SLC12A4: variants seen among roughly 807,000 people sequenced by gnomAD.
SLC12A4 encodes the protein electroneutral potassium-chloride cotransporter 1.
A neutral mutation model predicts 119.2 loss-of-function variants in SLC12A4; 84 were observed. That is an observed-to-expected ratio of 0.70 (90% CI 0.59 to 0.85). SLC12A4 has a LOEUF of 0.85. SLC12A4 is among the 40% of genes least tolerant of loss of function. The probability of loss-of-function intolerance (pLI) is 0.00; values close to 1 mark genes in which losing one functional copy is unlikely to be tolerated. For missense variants in SLC12A4, 1,298 were observed against 1,476.3 expected (o/e 0.88, Z 1.98); for synonymous variants, 599 against 604.6 (o/e 0.99, Z 0.14).
chr16:67,944,202 C>A lies in SLC12A4; in HGVS notation c.*638G>T. ...AGGGCCAGTGGGAGGGACGGCCTGG[C>A]CAGTGGGGGTTGTGGCCAGAGATTG... On this transcript the variant is annotated 3_prime_UTR_variant, in exon 24 of 24. Coordinates refer to ENST00000316341, the MANE Select transcript of SLC12A4 (RefSeq NM_005072.5). The surrounding 1 kb of genome is among the most constrained non-coding windows in gnomAD (Gnocchi z 6.6). The A allele has an allele frequency of 1.4e-6, 2 of 1,477,060 alleles. No homozygotes were observed. 91.5% of individuals were successfully genotyped at this position (1,477,060 alleles called of 1,614,324 possible).
At chr16:67,946,697 A>C in intron 17 of SLC12A4, 64 bp from the exon 18 acceptor site, 1 of 1,540,640 alleles carries the variant, frequency 6.5e-7, no homozygotes, top group East Asian at 2.3e-5. Context: ...GCTCCCTCCC[A>C]AGGCCCCTCG....
At position 67,963,526 on chromosome 16, in the gene SLC12A4, A is replaced by G. The variant is rs1309241039; in HGVS notation, c.149T>C (p.Leu50Pro). Residue 50 changes from leucine (L) to proline (P), a missense_variant, in exon 2 of 24, where the codon CTT becomes CCT. Coordinates refer to ENST00000316341, the MANE Select transcript of SLC12A4 (RefSeq NM_005072.5). ...TCCTCTGGAAGCCTCCAAGGGGGAA[A>G]GAAAAGGGCTGCTCTCTCTGTGGTT... Reference protein sequence around the residue: ...HGNHRESSPFLSPLEASRGID... With the variant: ...HGNHRESSPFPSPLEASRGID... The G allele has an allele frequency of 1.3e-6, 2 of 1,586,288 alleles. No individual in the cohort carries two copies. The highest frequency in any genetic ancestry group is 1.7e-6 in the Non-Finnish European group (2 of 1,171,686).
chr16:67,947,838 GCCA>G, intron 14 of SLC12A4, 50 bp from the exon 15 acceptor site: 2 of 1,545,702 alleles, frequency 1.3e-6, no homozygotes, highest in Non-Finnish European at 1.7e-6. Flanking sequence ...AGGACCCCTG[GCCA>G]CAGCCTGGCC....
In SLC12A4 at chr16:67,944,875, C is replaced by A; in HGVS notation, c.3223G>T (p.Gly1075Cys). 1 of 1,613,412 alleles carries A rather than the reference C, an allele frequency of 6.2e-7. No individual in the cohort carries two copies. The highest frequency in any genetic ancestry group is 8.5e-7 in the Non-Finnish European group (1 of 1,180,020). The change falls in exon 24 of 24, where the codon GGT becomes TGT. Residue 1075 changes from glycine to cysteine, a missense_variant. Coordinates refer to ENST00000316341, the MANE Select transcript of SLC12A4 (RefSeq NM_005072.5). The surrounding 1 kb of genome is among the most constrained non-coding windows in gnomAD (Gnocchi z 6.6). The part of the protein sequence containing the change: ...EGLERVLLVR[G>C]GGREVITIYS ...ATGGTGATGACTTCACGGCCACCACCGCGCACCAACAGCACCCGCTCAAGG... is the reference window on the plus strand; with the variant it reads ...ATGGTGATGACTTCACGGCCACCACAGCGCACCAACAGCACCCGCTCAAGG...
rs759928513 is a variant in SLC12A4, at chr16:67,952,279, G to T, written c.822C>A (p.Asn274Lys). 2 of 1,614,172 alleles carry T rather than the reference G, an allele frequency of 1.2e-6. No homozygotes were observed. Among genetic ancestry groups the T allele is most frequent in the Non-Finnish European group, 8.5e-7 (1 of 1,180,042 alleles). Residue 274 changes from asparagine (N) to lysine (K), a missense_variant, in exon 7 of 24, where the codon AAC becomes AAA. Asn to Lys is a moderately conservative substitution (Grantham distance 94). Coordinates refer to ENST00000316341, the MANE Select transcript of SLC12A4 (RefSeq NM_005072.5). Reference protein sequence around the residue: ...LVVFVGVKYVNKFASLFLACV... With the variant: ...LVVFVGVKYVKKFASLFLACV... ...AGGCCAGGAAGAGCGAGGCAAATTT[G>T]TTCACATACTTGACCCCCACAAACA...
chr16:67,966,032 C>T (rs1037788040), intron 1 of SLC12A4, among the ~76,000 whole-genome samples: 5 of 152,182 alleles, frequency 3.3e-5, no homozygotes, highest in South Asian at 2.1e-4. Context: ...GGCCAGGGTA[C>T]GCATACCTAG....
At chr16:67,961,545 G>A (rs2030568291) in intron 3 of SLC12A4, 30 bp downstream of exon 3, 1 of 1,607,882 alleles carries the variant, frequency 6.2e-7, no homozygotes, top group South Asian at 1.1e-5. Context: ...CTTCCCAGGT[G>A]TGGCCCCTCT....
chr16:67,967,930 C>T (rs942045394), intron 1 of SLC12A4, among the ~76,000 whole-genome samples: 6 of 152,162 alleles, frequency 3.9e-5, no homozygotes, highest in Non-Finnish European at 8.8e-5. Flanking sequence ...GGGCAGTTAC[C>T]CATAGACCCC....
In SLC12A4 at chr16:67,943,841, G is replaced by A. The variant is rs1252965381; in HGVS notation, c.*999C>T. 21 of 1,094,644 alleles carry A rather than the reference G, an allele frequency of 1.9e-5. No homozygotes were observed. The highest frequency in any genetic ancestry group is 5.6e-5 in the Admixed American group (2 of 35,436). The allele number at this position is 1,094,644 out of a possible 1,614,324, so 67.8% of individuals were successfully genotyped here. On this transcript the variant is annotated 3_prime_UTR_variant, in exon 24 of 24. Coordinates refer to ENST00000316341, the MANE Select transcript of SLC12A4 (RefSeq NM_005072.5). This position sits in a 1 kb window ranked among gnomAD's most constrained non-coding sequence, Gnocchi z 4.6. The stretch of plus-strand genomic sequence containing the variant: ...CCACACCAGGGCAGGTACTTATGTC[G>A]GGGCTTATGCAGGGCAGAAGGGCTT...
Position 67,949,450 on chromosome 16 carries a change from C to CAAAA in SLC12A4, c.1748+346_1748+349dup. 1.4e-5 allele frequency: 2 copies of CAAAA among 146,762 alleles called. No individual in the cohort carries two copies. Among genetic ancestry groups the CAAAA allele is most frequent in the Non-Finnish European group, 1.4e-5 (1 of 71,792 alleles). The allele number at this position is 146,762 out of a possible 1,614,324, so 9.1% of individuals were successfully genotyped here. On this transcript the variant is annotated intron_variant, in intron 13 of 23. Coordinates refer to ENST00000316341, the MANE Select transcript of SLC12A4 (RefSeq NM_005072.5). The surrounding 1 kb of genome is among the most constrained non-coding windows in gnomAD (Gnocchi z 4.6). Reference sequence around the variant, plus strand: ...TGGGTGAGAGAGTGAGACTCTGTCTCAAAAAAAAAAAACAAAAACCAAAAA... The same window carrying CAAAA: ...TGGGTGAGAGAGTGAGACTCTGTCTCAAAAAAAAAAAAAAAACAAAAACCAAAAA...
Position 67,950,835 on chromosome 16 carries a change from C to A in SLC12A4, c.1397-124G>T, listed in dbSNP as rs1048040933. The A allele has an allele frequency of 7.0e-6, 10 of 1,425,596 alleles. No individual in the cohort carries two copies. In the African/African-American group the frequency reaches 1.3e-4, roughly 18 times the overall value. The allele number at this position is 1,425,596 out of a possible 1,614,324, so 88.3% of individuals were successfully genotyped here. A position where few individuals can be genotyped will look rare whatever the true frequency, so the allele number is the denominator to read the frequency against. ...CTGGGAGTCTCGTGGTGTGTATGTGCATGTGTGCATGAGAAGGGGAGCTAT... is the reference window on the plus strand; with the variant it reads ...CTGGGAGTCTCGTGGTGTGTATGTGAATGTGTGCATGAGAAGGGGAGCTAT... On this transcript the variant is annotated intron_variant, in intron 10 of 23. Coordinates refer to ENST00000316341, the MANE Select transcript of SLC12A4 (RefSeq NM_005072.5). This position sits in a 1 kb window ranked among gnomAD's most constrained non-coding sequence, Gnocchi z 4.3.
At position 67,950,491 on chromosome 16, in the gene SLC12A4, T is replaced by C; in HGVS notation, c.1457A>G (p.Tyr486Cys). The change falls in exon 12 of 24, where the codon TAT becomes TGT. Residue 486 changes from tyrosine (Y) to cysteine (C), a missense_variant and splice_region_variant. Coordinates refer to ENST00000316341, the MANE Select transcript of SLC12A4 (RefSeq NM_005072.5). This position sits in a 1 kb window ranked among gnomAD's most constrained non-coding sequence, Gnocchi z 4.3. ...CAAGTTCCTGCTGACACCATCGCCATACCTGCAGGGGCCACCAGAGTGAGG... is the reference window on the plus strand; with the variant it reads ...CAAGTTCCTGCTGACACCATCGCCACACCTGCAGGGGCCACCAGAGTGAGG... ...CIEGVVLRDK[Y>C]GDGVSRNLVV... The C allele has an allele frequency of 6.2e-7, 1 of 1,613,880 alleles. No homozygotes were observed. The highest frequency in any genetic ancestry group is 8.5e-7 in the Non-Finnish European group (1 of 1,179,980).
At chr16:67,953,105 T>A (rs1358231790) in intron 6 of SLC12A4, among the ~76,000 whole-genome samples, 5 of 144,026 alleles carry the variant, frequency 3.5e-5, no homozygotes. Context: ...CTCAAAAAAA[T>A]AAATGAATAG....
At chr16:67,964,229 GC>G (rs1294570242) in intron 1 of SLC12A4, among the ~76,000 whole-genome samples, 12 of 152,218 alleles carry the variant, frequency 7.9e-5, no homozygotes, top group African/African-American at 2.7e-4. Context: ...AGCTGGGACT[GC>G]TGGCAGGAGC....
intron 5 of SLC12A4, among the ~76,000 whole-genome samples, chr16:67,955,137 G>A (rs1163048626): frequency 2.6e-5 from 4 of 152,338 alleles, no homozygotes; most frequent in Middle Eastern, 3.4e-3. Context: ...CCTGAGGCCT[G>A]TGCCTTTGTT....
chr16:67,968,337 T>C, intron 1 of SLC12A4, 102 bp downstream of exon 1: 1 of 1,053,802 alleles, frequency 9.5e-7, no homozygotes, highest in South Asian at 1.8e-5. Context: ...CACCGACGTG[T>C]GCGCGCAAGG....
chr16:67,967,599 G>C (rs1339312233), intron 1 of SLC12A4, among the ~76,000 whole-genome samples: 1 of 152,174 alleles, frequency 6.6e-6, no homozygotes, highest in Non-Finnish European at 1.5e-5. Flanking sequence ...CCTGGGGTAG[G>C]AGATAGAGAA....
chr16:67,966,706 T>TGA, intron 1 of SLC12A4: 1 of 1,550,102 alleles, frequency 6.5e-7, no homozygotes, highest in Non-Finnish European at 8.7e-7. Flanking sequence ...CTGTGCTTTG[T>TGA]GCCCTCTGAC....
chr16:67,958,261 A>G (rs7185536), intron 3 of SLC12A4, among the ~76,000 whole-genome samples: 21,538 of 152,022 alleles, frequency 0.14, 3,131 homozygotes, highest in African/African-American at 0.38. Flanking sequence ...CCCACATTGA[A>G]CTTTGGAACC....
Sources: allele counts gnomAD v4.1 joint callset (sites outside exome capture counted in the v4.1 genomes callset), GRCh38; gene constraint gnomAD v4.1.1; non-coding constraint Gnocchi (gnomAD v3.1); transcripts MANE v1.5; gene names NCBI Gene and HGNC (gene_info 2026-07-23, HGNC 2026-07-21).